The following KCNC3 variants were observed in gnomAD, a reference collection of about 807,000 sequenced individuals.
The protein encoded by KCNC3 is voltage-gated potassium channel KCNC3.
Under a neutral mutation model 43.9 loss-of-function variants are expected in KCNC3, and 22 were observed. The observed-to-expected ratio is 0.50, with a 90% CI of 0.36 to 0.72. KCNC3 has a LOEUF of 0.72. KCNC3 is among the 30% of genes least tolerant of loss of function. KCNC3 has a pLI of 0.00. For synonymous variants in KCNC3, 492 were observed against 488.0 expected, an observed-to-expected ratio of 1.01 and a Z score of -0.11; for missense variants, 829 against 1,073.8, an observed-to-expected ratio of 0.77 and a Z score of 3.19.
intron 4 of KCNC3, among the ~76,000 whole-genome samples, chr19:50,316,435 T>C (rs921988208): frequency 2.0e-5 from 3 of 151,412 alleles, no homozygotes; most frequent in Non-Finnish European, 2.9e-5. Flanking sequence ...GGGAGGACCA[T>C]AGGGGACAAT....
rs2123533561 is a variant in KCNC3, at chr19:50,323,126, C to T, written c.1827G>A (p.Val609=). 1.3e-6 allele frequency: 2 copies of T among 1,536,346 alleles called. No individual in the cohort carries two copies. Among genetic ancestry groups the T allele is most frequent in the Non-Finnish European group, 1.7e-6 (2 of 1,144,700 alleles). The change falls in exon 2 of 5, where the codon GTG becomes GTA. Residue 609 remains valine, a synonymous_variant. Transcript: ENST00000477616. ...GGGGCCCCGCTGGGTAGGCCCCGGC[C>T]ACAGTCACCCCCATGGAGGGTGGGG... ...PITPPSMGVT[V]AGAYPAGPHT...
upstream of KCNC3, among the ~76,000 whole-genome samples, chr19:50,331,658 C>G (rs2037190905): frequency 6.6e-6 from 1 of 150,790 alleles, no homozygotes; most frequent in Admixed American, 6.6e-5. Flanking sequence ...CCCCCTCTTC[C>G]GTCTCTTTCC....
chr19:50,331,035 G>C (rs898495900), upstream of KCNC3, among the ~76,000 whole-genome samples: 3 of 152,082 alleles, frequency 2.0e-5, no homozygotes, highest in Admixed American at 6.5e-5. Flanking sequence ...CGGCTGATTC[G>C]TATCGCCTCC....
At chr19:50,319,648 C>T (rs1322696231) in intron 4 of KCNC3, among the ~76,000 whole-genome samples, 1 of 152,182 alleles carries the variant, frequency 6.6e-6, no homozygotes, top group East Asian at 1.9e-4. Flanking sequence ...GTTCCTCTCA[C>T]TGTCTGTGCT....
Position 50,320,353 on chromosome 19 carries a change from G to A in KCNC3, c.2171-4C>T, listed in dbSNP as rs1167167491. The A allele has an allele frequency of 2.1e-6, 1 of 487,360 alleles. No individual in the cohort carries two copies. The highest frequency in any genetic ancestry group is 3.7e-6 in the Non-Finnish European group (1 of 269,958). The allele number at this position is 487,360 out of a possible 1,614,324, so 30.2% of individuals were successfully genotyped here. A position where few individuals can be genotyped will look rare whatever the true frequency, so the allele number is the denominator to read the frequency against. ...GGCAGTGGGGGAGCACCAGTGGCTG[G>A]GGGTGGGGGAAGAGGCCAGAGAGTT... On this transcript the variant is annotated splice_polypyrimidine_tract_variant and splice_region_variant and intron_variant, in intron 3 of 4. Coordinates refer to ENST00000477616, the MANE Select transcript of KCNC3 (RefSeq NM_004977.3).
At chr19:50,330,616 G>A (rs2037176569), upstream of KCNC3, among the ~76,000 whole-genome samples, 1 of 152,114 alleles carries the variant, frequency 6.6e-6, no homozygotes, top group Non-Finnish European at 1.5e-5. Context: ...GAGGACCGAG[G>A]GTAGATGAGG....
At position 50,324,801 on chromosome 19, in the gene KCNC3, G is replaced by A. The variant is rs960475270; in HGVS notation, c.871-719C>T. On this transcript the variant is annotated intron_variant, in intron 1 of 4. Transcript: ENST00000477616. The surrounding 1 kb of genome is among the most constrained non-coding windows in gnomAD (Gnocchi z 4.1). The stretch of plus-strand genomic sequence containing the variant: ...GGTATGCAGGCAGCAGTTAGTTGGG[G>A]GGCAAGGTCAAGGCCTCACCCAGAG... Among the ~76,000 whole-genome samples the A allele has an allele frequency of 1.1e-4, 16 of 152,176 alleles. No individual in the cohort carries two copies. Among genetic ancestry groups the A allele is most frequent in the African/African-American group, 3.4e-4 (14 of 41,432 alleles).
chr19:50,320,650 G>T lies in KCNC3; in HGVS notation c.2113C>A (p.Arg705=), dbSNP rs1408825410. Residue 705 remains arginine (R), a synonymous_variant, in exon 3 of 5, where the codon CGA becomes AGA. Coordinates refer to ENST00000477616, the MANE Select transcript of KCNC3 (RefSeq NM_004977.3). ...TAGTCGGTGAGGAGGAAGCAGGCTC[G>T]GTCCCGGCTATAGCGGCCACGGCTT... ...PGSRGRYSRD[R]ACFLLTDYAP... 2.5e-6 allele frequency: 4 copies of T among 1,613,256 alleles called. No individual in the cohort carries two copies. In the African/African-American group the frequency reaches 5.3e-5, roughly 22 times the overall value.
chr19:50,323,278 T>C lies in KCNC3; in HGVS notation c.1675A>G (p.Lys559Glu). 1 of 1,608,622 alleles carries C rather than the reference T, an allele frequency of 6.2e-7. No homozygotes were observed. Among genetic ancestry groups the C allele is most frequent in the Non-Finnish European group, 8.5e-7 (1 of 1,179,984 alleles). Residue 559 changes from lysine to glutamate, a missense_variant, in exon 2 of 5, where the codon AAG becomes GAG. Lys to Glu is a moderately conservative substitution (Grantham distance 56). Coordinates refer to ENST00000477616, the MANE Select transcript of KCNC3 (RefSeq NM_004977.3). The stretch of plus-strand genomic sequence containing the variant: ...GGGGGCCGGGGGATGTGTTTGTTCT[T>C]CTTCTTGGGCAGCTTCTGCTTGGCC... Reference protein sequence around the residue: ...AMAKQKLPKKKNKHIPRPPQP... With the variant: ...AMAKQKLPKKENKHIPRPPQP...
intron 2 of KCNC3, among the ~76,000 whole-genome samples, chr19:50,321,512 G>A (rs1167375409): frequency 6.6e-6 from 1 of 151,764 alleles, no homozygotes; most frequent in Non-Finnish European, 1.5e-5. Flanking sequence ...GCTTACGCCT[G>A]TAATCCCAGC....
rs541214949 is a variant in KCNC3 at position 50,313,655 on chromosome 19, A to G, written c.*2460T>C. ...GCCTATCTTGGAAGTTCTAGCATCA[A>G]GGGAACCTGGGCTGGACAAGTCTGT... On this transcript the variant is annotated 3_prime_UTR_variant, in exon 5 of 5. Transcript: ENST00000477616. 5 of 152,334 alleles carry G rather than the reference A, an allele frequency of 3.3e-5. No individual in the cohort carries two copies. The South Asian group carries it at 1.0e-3, about 32-fold the overall frequency. The allele number at this position is 152,334 out of a possible 1,614,324, so 9.4% of individuals were successfully genotyped here. A position where few individuals can be genotyped will look rare whatever the true frequency, so the allele number is the denominator to read the frequency against.
Position 50,314,838 on chromosome 19 carries a change from AGGGG to A in KCNC3, c.*1273_*1276del. On this transcript the variant is annotated 3_prime_UTR_variant, in exon 5 of 5. Transcript: ENST00000477616. Reference sequence around the variant, plus strand: ...CCCGGTCACCCCCGAGTCCCCCCACAGGGGGGAGGGGAGCGCTAAAGGATGGAGG... The same window carrying A: ...CCCGGTCACCCCCGAGTCCCCCCACAGGAGGGGAGCGCTAAAGGATGGAGG... The A allele has an allele frequency of 9.5e-6, 3 of 316,304 alleles. No individual in the cohort carries two copies. The highest frequency in any genetic ancestry group is 6.9e-5 in the South Asian group (3 of 43,180). The allele number at this position is 316,304 out of a possible 1,614,324, so 19.6% of individuals were successfully genotyped here.
Position 50,323,282 on chromosome 19 carries a change from C to T in KCNC3, c.1671G>A (p.Lys557=). 2 of 1,609,272 alleles carry T rather than the reference C, an allele frequency of 1.2e-6. No homozygotes were observed. Among genetic ancestry groups the T allele is most frequent in the Non-Finnish European group, 1.7e-6 (2 of 1,179,992 alleles). ...GCCGGGGGATGTGTTTGTTCTTCTTCTTGGGCAGCTTCTGCTTGGCCATGG... is the reference window on the plus strand; with the variant it reads ...GCCGGGGGATGTGTTTGTTCTTCTTTTTGGGCAGCTTCTGCTTGGCCATGG... The part of the protein sequence containing the change: ...SLAMAKQKLP[K]KKNKHIPRPP... Residue 557 remains lysine (K), a synonymous_variant, in exon 2 of 5, where the codon AAG becomes AAA. Coordinates refer to ENST00000477616, the MANE Select transcript of KCNC3 (RefSeq NM_004977.3).
upstream of KCNC3, among the ~76,000 whole-genome samples, chr19:50,330,936 C>T (rs2037181175): frequency 6.6e-6 from 1 of 151,746 alleles, no homozygotes; most frequent in African/African-American, 2.4e-5. Flanking sequence ...GGAGGCGGCG[C>T]CTGCGGGAGC....
intron 2 of KCNC3, among the ~76,000 whole-genome samples, chr19:50,321,349 T>A (rs2037031600): frequency 6.6e-6 from 1 of 152,094 alleles, no homozygotes; most frequent in Non-Finnish European, 1.5e-5. Context: ...ACGCCTATAG[T>A]CCCAGCTACT....
intron 2 of KCNC3, among the ~76,000 whole-genome samples, chr19:50,322,240 A>G (rs967348524): frequency 6.6e-6 from 1 of 152,120 alleles, no homozygotes. Flanking sequence ...GAACACACAC[A>G]GAAGCACAGG....
In KCNC3 at chr19:50,323,359, C is replaced by T. The variant is rs764971875; in HGVS notation, c.1594G>A (p.Ala532Thr). 1.9e-6 allele frequency: 3 copies of T among 1,614,116 alleles called. No homozygotes were observed. The highest frequency in any genetic ancestry group is 2.5e-6 in the Non-Finnish European group (3 of 1,180,028). The change falls in exon 2 of 5, where the codon GCC (alanine) becomes ACC (threonine). Residue 532 changes from alanine to threonine, a missense_variant. Ala to Thr is a moderately conservative substitution (Grantham distance 58, BLOSUM62 0). This residue lies in a region of KCNC3 where 33 missense variants were observed against 96.0 expected (regional missense o/e 0.34). Transcript: ENST00000477616. ...LCALAGVLTI[A>T]MPVPVIVNNF... is the part of the protein sequence containing the mutation. ...TTGACAATGACGGGCACAGGCATGG[C>T]GATGGTCAGCACCCCCGCCAGGGCA... is the stretch of plus-strand genomic sequence containing the variant.
rs1425749308 is a variant in KCNC3 at position 50,312,204 on chromosome 19, C to T, written c.*3911G>A. The T allele has an allele frequency of 6.6e-6, 1 of 151,278 alleles. No homozygotes were observed. Among genetic ancestry groups the T allele is most frequent in the Non-Finnish European group, 1.5e-5 (1 of 67,822 alleles). The allele number at this position is 151,278 out of a possible 1,614,324, so 9.4% of individuals were successfully genotyped here. Reference sequence around the variant, plus strand: ...CTCCCCTCCCCACACTGTCTCCGAACCCCGCCCCCATCCCTGAGAGCGCCC... The same window carrying T: ...CTCCCCTCCCCACACTGTCTCCGAATCCCGCCCCCATCCCTGAGAGCGCCC... On this transcript the variant is annotated 3_prime_UTR_variant, in exon 5 of 5. Transcript: ENST00000477616.
In KCNC3 at chr19:50,324,536, G is replaced by A. The variant is rs2037079383; in HGVS notation, c.871-454C>T. On this transcript the variant is annotated intron_variant, in intron 1 of 4. Coordinates refer to ENST00000477616, the MANE Select transcript of KCNC3 (RefSeq NM_004977.3). The surrounding 1 kb of genome is among the most constrained non-coding windows in gnomAD (Gnocchi z 4.1). ...GGCTCAGCTTGGAGCTGGGCAGACG[G>A]GAAGGGAGAAGGCGGGCAGGGAGGC... 6.6e-6 allele frequency among the ~76,000 whole-genome samples: 1 copy of A among 152,176 alleles called. No homozygotes were observed. The highest frequency in any genetic ancestry group is 2.1e-4 in the South Asian group (1 of 4,830).
Sources: gnomAD v4.1 joint callset for allele counts (sites outside exome capture counted in the v4.1 genomes callset) on GRCh38, gnomAD v4.1.1 for gene constraint, gnomAD v4.1.1 regional missense constraint, Gnocchi (gnomAD v3.1) non-coding constraint, MANE v1.5 for transcripts, NCBI Gene and HGNC (gene_info 2026-07-23, HGNC 2026-07-21) for gene names.